The following PODNL1 variants were observed in gnomAD, a reference collection of about 807,000 sequenced individuals.
The protein encoded by PODNL1 is podocan-like protein 1.
In PODNL1, 50 loss-of-function variants were observed where a neutral mutation model predicts 45.1. That is an observed-to-expected ratio of 1.11 (90% CI 0.88 to 1.40). The LOEUF (loss-of-function observed/expected upper bound fraction) is 1.40, where lower values mean the gene tolerates loss of function less well. Ranked by LOEUF, PODNL1 falls within the 40% of genes most tolerant of loss-of-function variation. The pLI is 0.00. For missense variants in PODNL1, 788 were observed against 793.3 expected, an observed-to-expected ratio of 0.99 and a Z score of 0.08; for synonymous variants, 406 against 372.5, an observed-to-expected ratio of 1.09 and a Z score of -1.04.
At chr19:13,947,170 GAAAAAAAAA>G (rs758733245) in intron 1 of PODNL1, among the ~76,000 whole-genome samples, 184 of 27,066 alleles carry the variant, frequency 6.8e-3, no homozygotes, top group Non-Finnish European at 0.011. Context: ...CTCCATCTCA[GAAAAAAAAA>G]AAAAAAAAAA....
chr19:13,952,369 G>C, intron 1 of PODNL1: 1 of 1,120,026 alleles, frequency 8.9e-7, no homozygotes, highest in African/African-American at 1.6e-5. Context: ...ATCAAGAGTC[G>C]AGATGGCTTT....
Position 13,933,388 on chromosome 19 carries a change from G to T in PODNL1, c.835C>A (p.Pro279Thr). Residue 279 changes from proline (P) to threonine (T), a missense_variant, in exon 8 of 10, where the codon CCC (proline) becomes ACC (threonine). Physicochemically the swap from Pro to Thr is conservative, Grantham distance 38 (BLOSUM62 -1). Coordinates refer to ENST00000588872, the MANE Select transcript of PODNL1 (RefSeq NM_001370095.3). The surrounding 1 kb of genome is among the most constrained non-coding windows in gnomAD (Gnocchi z 5.2). ...AGGTGCAGGATAGCCAGGGTCCGGGGCAGGCCGGCGGGCACTGTGGTCAGC... is the reference window on the plus strand; with the variant it reads ...AGGTGCAGGATAGCCAGGGTCCGGGTCAGGCCGGCGGGCACTGTGGTCAGC... ...NQLTTVPAGL[P>T]RTLAILHLGR... 1 of 1,606,460 alleles carries T rather than the reference G, an allele frequency of 6.2e-7. No homozygotes were observed. Among genetic ancestry groups the T allele is most frequent in the South Asian group, 1.1e-5 (1 of 90,706 alleles).
Position 13,936,379 on chromosome 19 carries a change from T to C in PODNL1, c.307A>G (p.Ile103Val). 1.2e-6 allele frequency: 2 copies of C among 1,611,044 alleles called. No homozygotes were observed. The highest frequency in any genetic ancestry group is 1.7e-6 in the Non-Finnish European group (2 of 1,177,468). ...TCTGCCCCCTCACCTTCGGAGGAGA[T>C]GAGGTTGTTGTGGAGGTTGAGGGTT... ...LRTLNLHNNL[I>V]SSEGLPDEAF... Residue 103 changes from isoleucine (I) to valine (V), a missense_variant, in exon 3 of 10, where the codon ATC becomes GTC. Coordinates refer to ENST00000588872, the MANE Select transcript of PODNL1 (RefSeq NM_001370095.3).
chr19:13,938,320 C>T lies in PODNL1; in HGVS notation c.-139G>A. 1 of 1,443,426 alleles carries T rather than the reference C, an allele frequency of 6.9e-7. No homozygotes were observed. The highest frequency in any genetic ancestry group is 1.5e-5 in the South Asian group (1 of 67,336). The allele number at this position is 1,443,426 out of a possible 1,614,324, so 89.4% of individuals were successfully genotyped here. A position where few individuals can be genotyped will look rare whatever the true frequency, so the allele number is the denominator to read the frequency against. ...GACCCATGCCACCCCCCACAACAGC[C>T]TGTTCTCCCGGGGCTTTGGGGGAGC... On this transcript the variant is annotated 5_prime_UTR_variant, in exon 1 of 10. Transcript: ENST00000588872.
intron 1 of PODNL1, among the ~76,000 whole-genome samples, chr19:13,947,258 A>G (rs537455241): frequency 1.1e-4 from 17 of 148,920 alleles, no homozygotes; most frequent in African/African-American, 3.5e-4. Context: ...AGGCAGGTGG[A>G]TCACCTGAGG....
intron 9 of PODNL1, 37 bp from the exon 10 acceptor site, chr19:13,931,924 C>A: frequency 8.1e-7 from 1 of 1,232,224 alleles, no homozygotes; most frequent in Non-Finnish European, 1.0e-6. Flanking sequence ...CCCAGGCCCT[C>A]CCCTGCCCAC....
intron 5 of PODNL1, among the ~76,000 whole-genome samples, 196 bp from the exon 6 acceptor site, chr19:13,934,606 G>A (rs1300980263): frequency 1.3e-5 from 2 of 152,034 alleles, no homozygotes; most frequent in African/African-American, 4.8e-5. Flanking sequence ...GCAGGTGAGT[G>A]TGCATGTGTG....
At chr19:13,951,238 G>A (rs1039570712) in intron 1 of PODNL1, among the ~76,000 whole-genome samples, 4 of 151,786 alleles carry the variant, frequency 2.6e-5, no homozygotes, top group African/African-American at 7.3e-5. Flanking sequence ...TTGAGGTCAG[G>A]AGTTTTCGAG....
chr19:13,934,469 C>A, intron 5 of PODNL1, 59 bp from the exon 6 acceptor site: 2 of 1,437,542 alleles, frequency 1.4e-6, no homozygotes, highest in South Asian at 3.0e-5. Context: ...ACCCCACTCC[C>A]GCACCACACC....
At chr19:13,953,161 AG>A in exon 1 of PODNL1, 3 of 1,536,376 alleles carry the variant, frequency 2.0e-6, no homozygotes, top group Non-Finnish European at 2.6e-6. Context: ...CTCCCTGGAT[AG>A]GGCTGAGTCT....
chr19:13,953,113 C>T (rs1049445201), intron 1 of PODNL1: 207 of 1,550,274 alleles, frequency 1.3e-4, no homozygotes, highest in Non-Finnish European at 1.8e-4. Flanking sequence ...CTGGGAGTTC[C>T]AGTACCTGGG....
At chr19:13,952,783 C>T in intron 1 of PODNL1, 1 of 341,796 alleles carries the variant, frequency 2.9e-6, no homozygotes, top group Non-Finnish European at 3.9e-6. Flanking sequence ...AGGGCCTGGG[C>T]GGGGCCCGGG....
Position 13,937,629 on chromosome 19 carries a change from G to A in PODNL1, c.225+156C>T, listed in dbSNP as rs182191658. On this transcript the variant is annotated intron_variant, in intron 2 of 9. Coordinates refer to ENST00000588872, the MANE Select transcript of PODNL1 (RefSeq NM_001370095.3). ...CATCTTGGGCATGCAGAGCCAATCTGCCAAGGCAAAGCTCCATCACAGCCT... is the reference window on the plus strand; with the variant it reads ...CATCTTGGGCATGCAGAGCCAATCTACCAAGGCAAAGCTCCATCACAGCCT... Among the ~76,000 whole-genome samples the A allele has an allele frequency of 1.4e-4, 22 of 152,170 alleles. No individual in the cohort carries two copies. The East Asian group carries it at 3.7e-3, about 26-fold the overall frequency.
chr19:13,948,331 G>A (rs1248661799), intron 1 of PODNL1, among the ~76,000 whole-genome samples: 6 of 149,818 alleles, frequency 4.0e-5, no homozygotes, highest in Non-Finnish European at 7.4e-5. Context: ...CTCCTGAGTA[G>A]CTGGGACTAC....
chr19:13,947,519 G>T (rs866316739), intron 1 of PODNL1, among the ~76,000 whole-genome samples: 2 of 151,862 alleles, frequency 1.3e-5, no homozygotes, highest in African/African-American at 4.8e-5. Context: ...GAGGTAAATT[G>T]CAGGACATCA....
intron 1 of PODNL1, among the ~76,000 whole-genome samples, chr19:13,945,702 G>A (rs1972793049): frequency 1.3e-5 from 2 of 151,952 alleles, no homozygotes; most frequent in South Asian, 4.1e-4. Flanking sequence ...GGCCAAGCTG[G>A]TCTTGAACTC....
At chr19:13,935,854 G>T (rs771232909) in intron 4 of PODNL1, 24 bp from the exon 5 acceptor site, 1 of 1,589,010 alleles carries the variant, frequency 6.3e-7, no homozygotes, top group Non-Finnish European at 8.6e-7. Context: ...GCCCACAGCC[G>T]GACTGGTCCT....
At position 13,931,801 on chromosome 19, in the gene PODNL1, G is replaced by A. The variant is rs564006987; in HGVS notation, c.1661C>T (p.Pro554Leu). The A allele has an allele frequency of 6.3e-3, 7,816 of 1,231,888 alleles. 34 individuals carry two copies. The highest frequency in any genetic ancestry group is 0.011 in the Middle Eastern group (36 of 3,210). The allele number at this position is 1,231,888 out of a possible 1,614,324, so 76.3% of individuals were successfully genotyped here. A position where few individuals can be genotyped will look rare whatever the true frequency, so the allele number is the denominator to read the frequency against. ...NLRVVDTAGNPEQVLIRLPPT... is the reference protein window; with the variant it reads ...NLRVVDTAGNLEQVLIRLPPT... ...AGGCAGCCGGATCAGGACCTGCTCC[G>A]GATTCCCTGCCGTGTCCACCACACG... is the stretch of plus-strand genomic sequence containing the variant. The change falls in exon 10 of 10, where the codon CCG (proline) becomes CTG (leucine). Residue 554 changes from proline to leucine, a missense_variant. This residue lies in a region of PODNL1 where 9 missense variants were observed against 25.6 expected (regional missense o/e 0.35). Transcript: ENST00000588872.
At chr19:13,936,257 CTGGGAA>C in intron 3 of PODNL1, 104 bp downstream of exon 3, 1 of 1,174,716 alleles carries the variant, frequency 8.5e-7, no homozygotes, top group Non-Finnish European at 1.3e-6. Flanking sequence ...AAGGGCAGTT[CTGGGAA>C]CTGCCACAGA....
Sources: gnomAD v4.1 joint callset for allele counts (sites outside exome capture counted in the v4.1 genomes callset) on GRCh38, gnomAD v4.1.1 for gene constraint, gnomAD v4.1.1 regional missense constraint, Gnocchi (gnomAD v3.1) non-coding constraint, MANE v1.5 for transcripts, NCBI Gene and HGNC (gene_info 2026-07-23, HGNC 2026-07-21) for gene names.